NBAS: variants seen among roughly 807,000 people sequenced by gnomAD.
NBAS encodes NBAS subunit of NRZ tethering complex.
In NBAS, 219 loss-of-function variants were observed where a neutral mutation model predicts 302.5. That is an observed-to-expected ratio of 0.72 (90% CI 0.65 to 0.81). The LOEUF is 0.81. NBAS is among the 30% of genes least tolerant of loss of function. The pLI is 0.00. For synonymous variants in NBAS, 1,118 were observed against 1,021.6 expected (o/e 1.09, Z -1.80); for missense variants, 2,932 against 2,841.6 (o/e 1.03, Z -0.72).
chr2:14,890,655 T>A, the NBAS span: 2 of 152,098 alleles, frequency 1.3e-5, no homozygotes, highest in Non-Finnish European at 2.9e-5. Flanking sequence ...CTGTATCTAC[T>A]AAAAATACAA....
At chr2:15,264,502 G>T (rs1668986916) in intron 44 of NBAS, among the ~76,000 whole-genome samples, 1 of 152,152 alleles carries the variant, frequency 6.6e-6, no homozygotes. Context: ...CTTCGCCAAT[G>T]TGAAATAATT....
rs887179904 is a variant in NBAS, at chr2:15,553,041, G to C, written c.335+385C>G. 1.1e-4 allele frequency among the ~76,000 whole-genome samples: 17 copies of C among 152,126 alleles called. 1 individual carries two copies. Among genetic ancestry groups the C allele is most frequent in the African/African-American group, 4.1e-4 (17 of 41,428 alleles). On this transcript the variant is annotated intron_variant, in intron 5 of 51. Coordinates refer to ENST00000281513, the MANE Select transcript of NBAS (RefSeq NM_015909.4). Reference sequence around the variant, plus strand: ...GATGGTCTCAATCTCTTGACCTTGTGATCTGCCCGCCTCGGCCTCCCAAAG... The same window carrying C: ...GATGGTCTCAATCTCTTGACCTTGTCATCTGCCCGCCTCGGCCTCCCAAAG...
chr2:15,336,092 C>CAA (rs112260741), intron 35 of NBAS, among the ~76,000 whole-genome samples: 47 of 105,732 alleles, frequency 4.4e-4, no homozygotes, highest in Middle Eastern at 5.8e-3. Context: ...ATCCTCATTT[C>CAA]AAAAAAAAAA....
the NBAS span, among the ~76,000 whole-genome samples, chr2:15,118,929 T>A: frequency 2.0e-5 from 3 of 152,190 alleles, no homozygotes; most frequent in Admixed American, 6.5e-5. Flanking sequence ...CAACTAAACA[T>A]AACGCAGTGT....
At chr2:15,068,101 G>A in the NBAS span, among the ~76,000 whole-genome samples, 137 of 152,324 alleles carry the variant, frequency 9.0e-4, no homozygotes, top group African/African-American at 3.1e-3. Context: ...CTAAAGTTGA[G>A]GAACTTTGGG....
At position 15,276,916 on chromosome 2, in the gene NBAS, C is replaced by T. The variant is rs1194817097; in HGVS notation, c.5324G>A (p.Gly1775Glu). The T allele has an allele frequency of 5.6e-6, 9 of 1,613,876 alleles. No individual in the cohort carries two copies. The highest frequency in any genetic ancestry group is 1.6e-4 in the Middle Eastern group (1 of 6,084). The change falls in exon 43 of 52, where the codon GGG (glycine) becomes GAG (glutamate). Residue 1775 changes from glycine (G) to glutamate (E), a missense_variant. Physicochemically the swap from Gly to Glu is moderately conservative, Grantham distance 98 (BLOSUM62 -2). Transcript: ENST00000281513. ...GGTTTCTGGTTTAATGGCACAGTTCCCCAAATCTGCACAGCCACAGTTTTC... is the reference window on the plus strand; with the variant it reads ...GGTTTCTGGTTTAATGGCACAGTTCTCCAAATCTGCACAGCCACAGTTTTC... Reference protein sequence around the residue: ...LLENCGCADLGNCAIKPETHI... With the variant: ...LLENCGCADLENCAIKPETHI...
intron 26 of NBAS, among the ~76,000 whole-genome samples, chr2:15,399,000 A>G (rs1676012750): frequency 6.6e-6 from 1 of 152,192 alleles, no homozygotes; most frequent in Non-Finnish European, 1.5e-5. Context: ...TCAAAAACAA[A>G]TATGGTAATC....
chr2:15,069,357 C>T, the NBAS span, among the ~76,000 whole-genome samples: 2 of 152,164 alleles, frequency 1.3e-5, no homozygotes, highest in African/African-American at 4.8e-5. Context: ...TGTCAGGTTG[C>T]CCAGCAAAGA....
intron 31 of NBAS, among the ~76,000 whole-genome samples, chr2:15,368,103 AT>A (rs1674301758): frequency 7.1e-6 from 1 of 141,650 alleles, no homozygotes; most frequent in African/African-American, 2.7e-5. Context: ...ATACACATTT[AT>A]TTTTTTCTGA....
intron 44 of NBAS, among the ~76,000 whole-genome samples, chr2:15,241,238 G>T (rs1263900753): frequency 2.0e-5 from 3 of 152,154 alleles, no homozygotes; most frequent in African/African-American, 7.2e-5. Flanking sequence ...ATAAATTTCA[G>T]AAATTACTTG....
the NBAS span, among the ~76,000 whole-genome samples, chr2:14,800,142 C>T: frequency 6.6e-6 from 1 of 152,146 alleles, no homozygotes; most frequent in Non-Finnish European, 1.5e-5. Context: ...TTTTATTCTA[C>T]TCCCTTTGGA....
intron 47 of NBAS, among the ~76,000 whole-genome samples, chr2:15,226,989 C>G (rs1667175992): frequency 6.6e-6 from 1 of 152,112 alleles, no homozygotes; most frequent in South Asian, 2.1e-4. Context: ...TGTCTTGTTC[C>G]AAACCTTGGA....
At chr2:15,023,694 A>G in the NBAS span, among the ~76,000 whole-genome samples, 1 of 129,364 alleles carries the variant, frequency 7.7e-6, no homozygotes, top group African/African-American at 2.9e-5. Context: ...TCATTTAGTA[A>G]GTTTACTGGG....
At chr2:15,530,132 C>T (rs1663151924) in intron 9 of NBAS, among the ~76,000 whole-genome samples, 1 of 152,064 alleles carries the variant, frequency 6.6e-6, no homozygotes, top group Non-Finnish European at 1.5e-5. Flanking sequence ...GGATAAACAA[C>T]TAACTCTTAA....
At chr2:15,411,455 T>C (rs1437032384) in intron 25 of NBAS, among the ~76,000 whole-genome samples, 1 of 152,216 alleles carries the variant, frequency 6.6e-6, no homozygotes, top group Non-Finnish European at 1.5e-5. Flanking sequence ...TAATGAGTAC[T>C]TCTAAATATT....
chr2:15,348,981 T>C (rs1334640812), intron 35 of NBAS, among the ~76,000 whole-genome samples: 7 of 152,086 alleles, frequency 4.6e-5, no homozygotes, highest in Non-Finnish European at 7.4e-5. Context: ...ATACTTCATA[T>C]GGAAGGGATA....
intron 43 of NBAS, 136 bp downstream of exon 43, chr2:15,276,715 C>G: frequency 7.7e-7 from 1 of 1,302,634 alleles, no homozygotes; most frequent in South Asian, 1.3e-5. Flanking sequence ...AAGATAATAA[C>G]TAAAGTCGAT....
intron 40 of NBAS, among the ~76,000 whole-genome samples, chr2:15,294,741 T>C (rs1321719173): frequency 6.6e-6 from 1 of 152,200 alleles, no homozygotes; most frequent in African/African-American, 2.4e-5. Context: ...CCAATGATCA[T>C]GGTTTTAGGG....
chr2:15,290,376 A>T (rs1206895536), intron 41 of NBAS, among the ~76,000 whole-genome samples: 1 of 152,204 alleles, frequency 6.6e-6, no homozygotes, highest in Non-Finnish European at 1.5e-5. Flanking sequence ...TGTACAGAAG[A>T]TTCTATTATA....
Sources: gnomAD v4.1 joint callset for allele counts (sites outside exome capture counted in the v4.1 genomes callset) on GRCh38, gnomAD v4.1.1 for gene constraint, MANE v1.5 for transcripts, NCBI Gene and HGNC (gene_info 2026-07-23, HGNC 2026-07-21) for gene names.